Variants in NKAIN3 observed in about 807,000 individuals in gnomAD.
The protein encoded by NKAIN3 is sodium/potassium transporting ATPase interacting 3, also known as sodium/potassium-transporting ATPase subunit beta-1-interacting protein 3.
In NKAIN3, 25 loss-of-function variants were observed where a neutral mutation model predicts 30.2. The ratio of observed to expected loss-of-function variants is 0.83; its 90% CI spans 0.60 to 1.16. NKAIN3 has a LOEUF of 1.16. NKAIN3 is among the 50% of genes most tolerant of loss of function. The pLI is 0.00. For synonymous variants in NKAIN3, 91 were observed against 89.6 expected, an observed-to-expected ratio of 1.02 and a Z score of -0.09; for missense variants, 225 against 254.1, an observed-to-expected ratio of 0.89 and a Z score of 0.78.
At chr8:62,757,274 C>T (rs1816483672) in intron 4 of NKAIN3, among the ~76,000 whole-genome samples, 1 of 152,142 alleles carries the variant, frequency 6.6e-6, no homozygotes, top group Non-Finnish European at 1.5e-5. Context: ...AGTAGCTTTT[C>T]ATAATAACGA....
At chr8:62,870,214 A>C (rs13280676) in intron 4 of NKAIN3, among the ~76,000 whole-genome samples, 1,769 of 66,546 alleles carry the variant, frequency 0.027, 30 homozygotes, top group Middle Eastern at 0.046. Context: ...TTTTGTATAT[A>C]TATATCTATA....
rs73262884 is a variant in NKAIN3, at chr8:62,928,785, G to A, written c.532+10272G>A. ...GTATCAAACGGGCCTGGGTCATTGA[G>A]TGTTGCTCAGAGAAAGGTTGACCAT... is the stretch of plus-strand genomic sequence containing the variant. On this transcript the variant is annotated intron_variant, in intron 5 of 6. Coordinates refer to ENST00000623646, the MANE Select transcript of NKAIN3 (RefSeq NM_001304533.3). Among the ~76,000 whole-genome samples the A allele has an allele frequency of 4.0e-3, 605 of 152,348 alleles. 4 individuals are homozygous for A. Among genetic ancestry groups the A allele is most frequent in the African/African-American group, 0.014 (573 of 41,572 alleles).
chr8:62,667,004 C>T (rs1308505732), intron 3 of NKAIN3, among the ~76,000 whole-genome samples: 3 of 151,904 alleles, frequency 2.0e-5, no homozygotes, highest in Non-Finnish European at 4.4e-5. Context: ...AGGTCAAGTA[C>T]TGTGTTGTTA....
chr8:62,427,315 T>A (rs1004745098), intron 1 of NKAIN3, among the ~76,000 whole-genome samples: 3 of 152,024 alleles, frequency 2.0e-5, no homozygotes, highest in African/African-American at 7.2e-5. Context: ...GAGGCCTTGC[T>A]ATTCACCAGT....
intron 1 of NKAIN3, among the ~76,000 whole-genome samples, chr8:62,272,229 C>A (rs776870813): frequency 6.6e-6 from 1 of 152,162 alleles, no homozygotes; most frequent in Non-Finnish European, 1.5e-5. Context: ...TGATTCTTAA[C>A]CCAGGGCAGC....
intron 1 of NKAIN3, among the ~76,000 whole-genome samples, chr8:62,474,823 A>C (rs1220636639): frequency 6.6e-6 from 1 of 152,212 alleles, no homozygotes; most frequent in Non-Finnish European, 1.5e-5. Flanking sequence ...AGATCTAATA[A>C]GGAATAAAGA....
At position 62,318,999 on chromosome 8, in the gene NKAIN3, T is replaced by C. The variant is rs530103419; in HGVS notation, c.54+69872T>C. Among the ~76,000 whole-genome samples the C allele has an allele frequency of 8.3e-3, 1,256 of 152,002 alleles. 25 individuals are homozygous for C. Among genetic ancestry groups the C allele is most frequent in the African/African-American group, 0.029 (1,182 of 41,330 alleles). ...TGGTTGGTAAGCTATTAATTATTGC[T>C]TCAATTTCAGAGCCTGTTATTGGTC... On this transcript the variant is annotated intron_variant, in intron 1 of 6. Coordinates refer to ENST00000623646, the MANE Select transcript of NKAIN3 (RefSeq NM_001304533.3).
intron 3 of NKAIN3, among the ~76,000 whole-genome samples, chr8:62,645,295 T>G (rs1011353588): frequency 2.0e-5 from 3 of 152,182 alleles, no homozygotes; most frequent in Non-Finnish European, 4.4e-5. Context: ...GGACAAAACC[T>G]TCCTTTTACC....
chr8:62,469,642 C>G (rs1806269170), intron 1 of NKAIN3, among the ~76,000 whole-genome samples: 1 of 152,120 alleles, frequency 6.6e-6, no homozygotes, highest in African/African-American at 2.4e-5. Flanking sequence ...AAGAGCTTTG[C>G]TTGGTACTGA....
At chr8:62,722,469 G>A (rs1376788707) in intron 3 of NKAIN3, among the ~76,000 whole-genome samples, 2 of 152,084 alleles carry the variant, frequency 1.3e-5, no homozygotes, top group Non-Finnish European at 2.9e-5. Context: ...ACAAAATGAT[G>A]TTCATGATTT....
intron 4 of NKAIN3, among the ~76,000 whole-genome samples, chr8:62,917,166 C>T (rs559804500): frequency 1.3e-5 from 2 of 152,104 alleles, no homozygotes; most frequent in Non-Finnish European, 2.9e-5. Flanking sequence ...ACATCCTGCC[C>T]TGCCAATTCC....
intron 1 of NKAIN3, among the ~76,000 whole-genome samples, chr8:62,329,382 G>A (rs1247670166): frequency 1.3e-5 from 2 of 152,094 alleles, no homozygotes; most frequent in Non-Finnish European, 2.9e-5. Flanking sequence ...ACATGTGCAG[G>A]TTTGTTACAT....
chr8:62,698,616 C>T (rs922899637), intron 3 of NKAIN3, among the ~76,000 whole-genome samples: 6 of 152,168 alleles, frequency 3.9e-5, no homozygotes, highest in African/African-American at 1.4e-4. Flanking sequence ...ATATACTCTA[C>T]TGTGTACAAC....
intron 1 of NKAIN3, among the ~76,000 whole-genome samples, chr8:62,421,827 A>AT (rs1435059190): frequency 2.6e-5 from 4 of 151,990 alleles, no homozygotes; most frequent in Admixed American, 6.6e-5. Context: ...CTGTTGTCCC[A>AT]TTTTTTATAT....
chr8:62,576,290 G>C (rs1338741492), intron 1 of NKAIN3, among the ~76,000 whole-genome samples: 1 of 152,072 alleles, frequency 6.6e-6, no homozygotes, highest in African/African-American at 2.4e-5. Context: ...AATCTGATCA[G>C]AAAATGAGCA....
At chr8:62,849,988 T>C (rs1819835164) in intron 4 of NKAIN3, among the ~76,000 whole-genome samples, 1 of 152,072 alleles carries the variant, frequency 6.6e-6, no homozygotes, top group Admixed American at 6.5e-5. Flanking sequence ...GATAGCTGGG[T>C]GAAATGGTTT....
At chr8:62,569,599 A>G (rs1458160021) in intron 1 of NKAIN3, among the ~76,000 whole-genome samples, 1 of 152,090 alleles carries the variant, frequency 6.6e-6, no homozygotes, top group Non-Finnish European at 1.5e-5. Context: ...ATCATGGTGA[A>G]ACCCCTGGTC....
At chr8:62,571,970 A>G (rs1809955753) in intron 1 of NKAIN3, among the ~76,000 whole-genome samples, 1 of 152,046 alleles carries the variant, frequency 6.6e-6, no homozygotes, top group Non-Finnish European at 1.5e-5. Flanking sequence ...CCCTGGAGAC[A>G]TTTTCCCCAT....
At chr8:62,496,919 C>T (rs1807259803) in intron 1 of NKAIN3, among the ~76,000 whole-genome samples, 1 of 152,052 alleles carries the variant, frequency 6.6e-6, no homozygotes, top group Non-Finnish European at 1.5e-5. Context: ...TGCAGTGATT[C>T]CCTAGTGTCT....
Sources: allele counts gnomAD v4.1 joint callset (sites outside exome capture counted in the v4.1 genomes callset), GRCh38; gene constraint gnomAD v4.1.1; transcripts MANE v1.5; gene names NCBI Gene and HGNC (gene_info 2026-07-23, HGNC 2026-07-21).